IFT81: variants seen among roughly 807,000 people sequenced by gnomAD.
The protein encoded by IFT81 is intraflagellar transport protein 81 homolog.
A neutral mutation model predicts 102.6 loss-of-function variants in IFT81; 72 were observed. The ratio of observed to expected loss-of-function variants is 0.70; its 90% CI spans 0.58 to 0.85. IFT81 has a LOEUF of 0.85. Ranked by LOEUF, IFT81 falls within the 40% of genes least tolerant of loss-of-function variation. IFT81 has a pLI of 0.00. For synonymous variants in IFT81, 237 were observed against 242.7 expected, an observed-to-expected ratio of 0.98 and a Z score of 0.22; for missense variants, 723 against 787.3, an observed-to-expected ratio of 0.92 and a Z score of 0.98.
chr12:110,151,259 T>C (rs1895510023), intron 10 of IFT81, among the ~76,000 whole-genome samples: 1 of 152,220 alleles, frequency 6.6e-6, no homozygotes, highest in South Asian at 2.1e-4. Flanking sequence ...ACATTTCATA[T>C]AAATGGAATA....
chr12:110,201,087 T>C (rs1390683327), intron 14 of IFT81, among the ~76,000 whole-genome samples: 1 of 152,126 alleles, frequency 6.6e-6, no homozygotes, highest in Non-Finnish European at 1.5e-5. Flanking sequence ...TATCCTTCTT[T>C]TATATGCTTT....
chr12:110,139,730 C>T (rs1447088992), intron 8 of IFT81, among the ~76,000 whole-genome samples: 13 of 144,886 alleles, frequency 9.0e-5, no homozygotes, highest in Admixed American at 1.4e-4. Context: ...GCTGAGATCA[C>T]GCCACTGCAC....
rs112245308 is a variant in IFT81 at position 110,217,814 on chromosome 12, T to G, written c.1849-230T>G. On this transcript the variant is annotated intron_variant, in intron 18 of 18. Transcript: ENST00000242591. ...TAGTAGAGCTCTTGATCTCCTGACC[T>G]CATGATCTGCCCACCTCAGCCTCCC... Among the ~76,000 whole-genome samples, 384 of 152,020 alleles carry G rather than the reference T, an allele frequency of 2.5e-3. 2 individuals are homozygous for G. Among genetic ancestry groups the G allele is most frequent in the African/African-American group, 8.3e-3 (346 of 41,444 alleles).
At chr12:110,183,105 A>G (rs1176949217) in intron 12 of IFT81, among the ~76,000 whole-genome samples, 1 of 152,172 alleles carries the variant, frequency 6.6e-6, no homozygotes, top group Non-Finnish European at 1.5e-5. Context: ...ACTGAATTAT[A>G]TGGTCATACG....
chr12:110,192,297 A>AT lies in IFT81; in HGVS notation c.1468-319dup, dbSNP rs564592319. On this transcript the variant is annotated intron_variant, in intron 13 of 18. Coordinates refer to ENST00000242591, the MANE Select transcript of IFT81 (RefSeq NM_014055.4). ...CTCCATCTATATTTATGTATATTTT[A>AT]TATGCCTACATAAATAATACATCAT... Among the ~76,000 whole-genome samples the AT allele has an allele frequency of 3.2e-4, 49 of 152,194 alleles. 1 individual carries two copies. The South Asian group carries it at 8.9e-3, about 28-fold the overall frequency.
intron 11 of IFT81, among the ~76,000 whole-genome samples, chr12:110,179,757 TATATATATATATATATAC>T (rs1897223085): frequency 1.6e-5 from 1 of 61,274 alleles, no homozygotes; most frequent in Non-Finnish European, 2.9e-5. Flanking sequence ...TATATATATA[TATATATATATATATATAC>T]ACACACACAC....
At chr12:110,200,088 C>A (rs1334931583) in intron 14 of IFT81, among the ~76,000 whole-genome samples, 1 of 152,112 alleles carries the variant, frequency 6.6e-6, no homozygotes, top group African/African-American at 2.4e-5. Flanking sequence ...CTGTTAATTT[C>A]TTTTATTTCT....
Position 110,135,120 on chromosome 12 carries a change from A to C in IFT81, c.585+107A>C, listed in dbSNP as rs1317508555. The C allele has an allele frequency of 4.6e-6, 4 of 870,650 alleles. No individual in the cohort carries two copies. In the East Asian group the frequency reaches 9.9e-5, roughly 22 times the overall value. 53.9% of individuals were successfully genotyped at this position (870,650 alleles called of 1,614,324 possible). On this transcript the variant is annotated intron_variant, in intron 6 of 18. Coordinates refer to ENST00000242591, the MANE Select transcript of IFT81 (RefSeq NM_014055.4). ...GCCAAGCATGAGTGTACATCTGAGG[A>C]TGGACTCAAATAACATTGACGAAAA...
At position 110,206,598 on chromosome 12, in the gene IFT81, C is replaced by T. The variant is rs570661240; in HGVS notation, c.1802+918C>T. ...GCCGAGGCGTGGGAATCGCTTGAAC[C>T]CGGGGAGCAGGGGCTGCAGTAAGCC... On this transcript the variant is annotated intron_variant, in intron 17 of 18. Coordinates refer to ENST00000242591, the MANE Select transcript of IFT81 (RefSeq NM_014055.4). Among the ~76,000 whole-genome samples the T allele has an allele frequency of 5.3e-5, 8 of 151,792 alleles. No individual in the cohort carries two copies. In the South Asian group the frequency reaches 1.7e-3, roughly 32 times the overall value.
intron 18 of IFT81, among the ~76,000 whole-genome samples, chr12:110,210,971 T>A (rs2137605135): frequency 6.8e-6 from 1 of 148,068 alleles, no homozygotes; most frequent in South Asian, 2.2e-4. Context: ...TCCTCCCACC[T>A]CAGCCTCCTG....
chr12:110,147,199 G>T, intron 10 of IFT81, 151 bp downstream of exon 10: 1 of 519,478 alleles, frequency 1.9e-6, no homozygotes, highest in Non-Finnish European at 3.1e-6. Context: ...AAGAATTAGT[G>T]GAAAAGCCAC....
intron 10 of IFT81, among the ~76,000 whole-genome samples, chr12:110,153,584 A>G (rs529358081): frequency 1.4e-5 from 2 of 145,738 alleles, no homozygotes; most frequent in East Asian, 2.1e-4. Flanking sequence ...CAGTGAGGAC[A>G]TCAGGACCAG....
At chr12:110,162,873 G>A (rs777811664) in intron 10 of IFT81, 46 bp from the exon 11 acceptor site, 2 of 1,454,512 alleles carry the variant, frequency 1.4e-6, no homozygotes, top group South Asian at 2.5e-5. Flanking sequence ...ATAATAGAAA[G>A]TTGATTGTAT....
At chr12:110,171,707 TCTTGCCTTAAAACAAAGAG>T (rs2137475783) in intron 11 of IFT81, among the ~76,000 whole-genome samples, 1 of 152,378 alleles carries the variant, frequency 6.6e-6, no homozygotes, top group East Asian at 1.9e-4. Context: ...GAACATTTTC[TCTTGCCTTAAAACAAAGAG>T]CAACTCTGAG....
At chr12:110,152,873 C>T (rs1445343114) in intron 10 of IFT81, among the ~76,000 whole-genome samples, 1 of 152,182 alleles carries the variant, frequency 6.6e-6, no homozygotes, top group Non-Finnish European at 1.5e-5. Flanking sequence ...TTACAAGCAT[C>T]AGCCACCATG....
chr12:110,183,967 G>A (rs1005595308), intron 12 of IFT81, among the ~76,000 whole-genome samples: 3 of 152,122 alleles, frequency 2.0e-5, no homozygotes, highest in African/African-American at 7.2e-5. Flanking sequence ...CCTGTGCCTG[G>A]TTTTCAGCTC....
intron 5 of IFT81, among the ~76,000 whole-genome samples, chr12:110,133,861 T>G (rs1332934506): frequency 1.3e-5 from 2 of 152,248 alleles, no homozygotes; most frequent in Non-Finnish European, 2.9e-5. Flanking sequence ...TTAACAATCC[T>G]CATACATTTT....
intron 18 of IFT81, among the ~76,000 whole-genome samples, chr12:110,210,874 A>G (rs528698888): frequency 1.3e-5 from 2 of 151,408 alleles, no homozygotes; most frequent in South Asian, 4.2e-4. Context: ...TTTTCGAGAC[A>G]GAGTCTCACT....
chr12:110,147,284 G>T (rs1328209416), intron 10 of IFT81, among the ~76,000 whole-genome samples: 1 of 152,114 alleles, frequency 6.6e-6, no homozygotes, highest in East Asian at 1.9e-4. Context: ...ACGAACTGTG[G>T]TAATAGAGCT....
Sources: allele counts gnomAD v4.1 joint callset (sites outside exome capture counted in the v4.1 genomes callset), GRCh38; gene constraint gnomAD v4.1.1; transcripts MANE v1.5; gene names NCBI Gene and HGNC (gene_info 2026-07-23, HGNC 2026-07-21).